The following RYK variants were observed in gnomAD, a reference collection of about 807,000 sequenced individuals.
RYK encodes the protein inactive tyrosine-protein kinase RYK.
A neutral mutation model predicts 70.2 loss-of-function variants in RYK; 21 were observed. The ratio of observed to expected loss-of-function variants is 0.30; its 90% confidence interval spans 0.21 to 0.43. The LOEUF is 0.43. RYK is among the 20% of genes least tolerant of loss of function. RYK has a pLI of 1.00. For missense variants in RYK, 604 were observed against 753.3 expected (o/e 0.80, Z 2.32); for synonymous variants, 267 against 278.0 (o/e 0.96, Z 0.39).
chr3:134,159,214 C>T (rs377314618), intron 14 of RYK, 23 bp downstream of exon 14: 1 of 1,612,776 alleles, frequency 6.2e-7, no homozygotes, highest in East Asian at 2.2e-5. Context: ...AAAACTCATG[C>T]CTTCAAGCTC....
chr3:134,213,530 G>A (rs953661429), intron 2 of RYK, among the ~76,000 whole-genome samples: 1 of 147,070 alleles, frequency 6.8e-6, no homozygotes, highest in Non-Finnish European at 1.5e-5. Context: ...GGTCTGTCAA[G>A]AACACTGTTG....
rs183289388 is a variant in RYK at position 134,232,738 on chromosome 3, G to A, written c.233-10199C>T. 2.4e-3 allele frequency among the ~76,000 whole-genome samples: 358 copies of A among 152,300 alleles called. 3 individuals are homozygous for A. The highest frequency in any genetic ancestry group is 0.014 in the Middle Eastern group (4 of 294). On this transcript the variant is annotated intron_variant, in intron 1 of 14. Transcript: ENST00000623711. Reference sequence around the variant, plus strand: ...GTTCAAATTTTCACGCATCAAATTAGCAAATACAGTCTGTTATATTGTGAG... The same window carrying A: ...GTTCAAATTTTCACGCATCAAATTAACAAATACAGTCTGTTATATTGTGAG...
rs79133888 is a variant in RYK, at chr3:134,209,279, A to G, written c.589+416T>C. 8.7e-3 allele frequency among the ~76,000 whole-genome samples: 1,320 copies of G among 152,300 alleles called. 20 individuals are homozygous for G. The highest frequency in any genetic ancestry group is 0.03 in the African/African-American group (1,257 of 41,556). ...TCAGAGAGGTTAAGTAACTTGTATC[A>G]ATATCCTGAAAAGAGCAGAGCTGCC... On this transcript the variant is annotated intron_variant, in intron 4 of 14. Coordinates refer to ENST00000623711, the MANE Select transcript of RYK (RefSeq NM_002958.4).
chr3:134,236,953 CTT>C (rs1164811848), intron 1 of RYK, among the ~76,000 whole-genome samples: 8 of 152,184 alleles, frequency 5.3e-5, no homozygotes, highest in Non-Finnish European at 1.5e-5. Flanking sequence ...ATTAACCAGA[CTT>C]AAATTTCCCA....
chr3:134,220,329 C>T (rs1159774461), intron 2 of RYK, among the ~76,000 whole-genome samples: 1 of 152,028 alleles, frequency 6.6e-6, no homozygotes, highest in African/African-American at 2.4e-5. Context: ...TAGATAATAA[C>T]ATAATAATGT....
chr3:134,182,280 T>A (rs1456887246), intron 10 of RYK, among the ~76,000 whole-genome samples: 1 of 152,232 alleles, frequency 6.6e-6, no homozygotes, highest in Non-Finnish European at 1.5e-5. Context: ...TGGACTACTA[T>A]GTAGCCTTTT....
intron 13 of RYK, among the ~76,000 whole-genome samples, chr3:134,174,843 C>T (rs1006224990): frequency 8.6e-5 from 13 of 151,544 alleles, no homozygotes; most frequent in African/African-American, 2.2e-4. Context: ...AAGAGGATGA[C>T]GGGGGGATTT....
chr3:134,203,060 T>C lies in RYK; in HGVS notation c.644-186A>G, dbSNP rs150439140. On this transcript the variant is annotated intron_variant, in intron 5 of 14. Transcript: ENST00000623711. ...TTTTTGTTGTAGTTTAAAAAAAATA[T>C]TTTAGGCCAGGTGTGATGGCTCACG... Among the ~76,000 whole-genome samples the C allele has an allele frequency of 3.1e-4, 47 of 152,274 alleles. 2 individuals are homozygous for C. The East Asian group carries it at 8.7e-3, about 28-fold the overall frequency.
At chr3:134,234,942 G>T (rs2015163040) in intron 1 of RYK, among the ~76,000 whole-genome samples, 2 of 152,038 alleles carry the variant, frequency 1.3e-5, no homozygotes, top group African/African-American at 4.8e-5. Context: ...GCATATAAAA[G>T]ATATAGTTTA....
intron 1 of RYK, among the ~76,000 whole-genome samples, chr3:134,225,491 C>G (rs970114957): frequency 6.6e-6 from 1 of 150,948 alleles, no homozygotes; most frequent in African/African-American, 2.4e-5. Context: ...CAAAAACCAA[C>G]GGACAAAAAG....
chr3:134,202,162 C>G (rs562582286), intron 6 of RYK, among the ~76,000 whole-genome samples: 1 of 152,296 alleles, frequency 6.6e-6, no homozygotes, highest in Admixed American at 6.5e-5. Flanking sequence ...ATATCTCAAA[C>G]TGGCTGTACA....
chr3:134,160,316 T>C (rs1008814253), intron 13 of RYK, among the ~76,000 whole-genome samples: 1 of 151,936 alleles, frequency 6.6e-6, no homozygotes, highest in African/African-American at 2.4e-5. Flanking sequence ...AAAATACATA[T>C]TTTAATGAGT....
chr3:134,171,305 A>T (rs1217025392), intron 13 of RYK, among the ~76,000 whole-genome samples: 1 of 152,204 alleles, frequency 6.6e-6, no homozygotes, highest in African/African-American at 2.4e-5. Flanking sequence ...TTTCTGATAT[A>T]ATTTGAAATG....
chr3:134,158,660 T>G (rs2012335345), intron 14 of RYK, among the ~76,000 whole-genome samples: 1 of 152,200 alleles, frequency 6.6e-6, no homozygotes. Flanking sequence ...CACCTTGTCA[T>G]GGTGCAGAAA....
intron 13 of RYK, among the ~76,000 whole-genome samples, chr3:134,161,444 G>A (rs985594910): frequency 2.0e-5 from 3 of 152,122 alleles, no homozygotes; most frequent in Non-Finnish European, 4.4e-5. Flanking sequence ...TCCAAGCTGT[G>A]ACAACCCAAA....
At chr3:134,173,636 G>GC (rs1160878843) in intron 13 of RYK, among the ~76,000 whole-genome samples, 1 of 152,074 alleles carries the variant, frequency 6.6e-6, no homozygotes, top group East Asian at 1.9e-4. Flanking sequence ...GGGGGAACCT[G>GC]CCCCCCATGA....
In RYK at chr3:134,202,821, C is replaced by T. The variant is rs1054992735; in HGVS notation, c.697G>A (p.Val233Ile). ...TTSTRVFYIS[V>I]GVCCAVIFLV... ...AATATTACTGCACAACAAACCCCTACACTAATATAAAACACACGCGTAGAA... is the reference window on the plus strand; with the variant it reads ...AATATTACTGCACAACAAACCCCTATACTAATATAAAACACACGCGTAGAA... Residue 233 changes from valine (V) to isoleucine (I), a missense_variant, in exon 6 of 15, where the codon GTA becomes ATA. This residue lies in a region of RYK where 466 missense variants were observed against 535.9 expected (regional missense o/e 0.87). Coordinates refer to ENST00000623711, the MANE Select transcript of RYK (RefSeq NM_002958.4). The T allele has an allele frequency of 5.6e-6, 9 of 1,613,686 alleles. No homozygotes were observed. The highest frequency in any genetic ancestry group is 1.7e-4 in the Middle Eastern group (1 of 6,054).
At chr3:134,201,525 G>A (rs754894262) in intron 6 of RYK, among the ~76,000 whole-genome samples, 48 of 152,258 alleles carry the variant, frequency 3.2e-4, no homozygotes, top group Non-Finnish European at 5.4e-4. Flanking sequence ...TGCTACGAGA[G>A]AGAGAGAGAC....
intron 6 of RYK, among the ~76,000 whole-genome samples, chr3:134,200,770 TCAAA>T (rs1233260466): frequency 2.6e-5 from 4 of 152,174 alleles, no homozygotes; most frequent in African/African-American, 9.7e-5. Flanking sequence ...TAGCCAGGCT[TCAAA>T]CAGAGATGGT....
Sources: allele counts gnomAD v4.1 joint callset (sites outside exome capture counted in the v4.1 genomes callset), GRCh38; gene constraint gnomAD v4.1.1; regional missense constraint gnomAD v4.1.1; transcripts MANE v1.5; gene names NCBI Gene and HGNC (gene_info 2026-07-23, HGNC 2026-07-21).